NUBPL: variants seen among roughly 807,000 people sequenced by gnomAD.
The protein encoded by NUBPL is iron-sulfur cluster transfer protein NUBPL.
In NUBPL, 31 loss-of-function variants were observed where a neutral mutation model predicts 45.7. The ratio of observed to expected loss-of-function variants is 0.68; its 90% confidence interval spans 0.51 to 0.92. The LOEUF is 0.92. Ranked by LOEUF, NUBPL falls within the 40% of genes least tolerant of loss-of-function variation. NUBPL has a pLI of 0.00. For synonymous variants in NUBPL, 144 were observed against 140.9 expected (o/e 1.02, Z -0.15); for missense variants, 401 against 398.7 (o/e 1.01, Z -0.05).
chr14:31,588,609 T>A (rs1373011), intron 3 of NUBPL, among the ~76,000 whole-genome samples: 149,400 of 151,886 alleles, frequency 0.98, 73,514 homozygotes, highest in Non-Finnish European at 1. Context: ...TTTTTTTTTT[T>A]AAATCCTTAA....
chr14:31,600,644 C>T (rs566224436), intron 4 of NUBPL, among the ~76,000 whole-genome samples: 154 of 152,156 alleles, frequency 1.0e-3, no homozygotes, highest in African/African-American at 3.5e-3. Context: ...TGATAGATTC[C>T]GGATATTAGC....
chr14:31,691,412 T>C (rs1054324529), intron 6 of NUBPL, among the ~76,000 whole-genome samples: 2 of 152,198 alleles, frequency 1.3e-5, no homozygotes, highest in African/African-American at 4.8e-5. Context: ...CAGCAGGGTA[T>C]TAGTAAAGTT....
intron 6 of NUBPL, among the ~76,000 whole-genome samples, chr14:31,750,371 T>A (rs1229871235): frequency 2.0e-5 from 3 of 149,524 alleles, no homozygotes; most frequent in African/African-American, 4.9e-5. Context: ...TTTTTATTTT[T>A]TTTATTTTTT....
In NUBPL at chr14:31,841,917, C is replaced by CTTTTGTTTTTTTTTTTTTTTT; in HGVS notation, c.694-4550_694-4549insGTTTTTTTTTTTTTTTTTTTT. Among the ~76,000 whole-genome samples, 192 of 43,042 alleles carry CTTTTGTTTTTTTTTTTTTTTT rather than the reference C, an allele frequency of 4.5e-3. 30 individuals carry two copies. The highest frequency in any genetic ancestry group is 6.7e-3 in the Non-Finnish European group (158 of 23,470). The allele number at this position is 43,042 out of a possible 152,430, so 28.2% of individuals were successfully genotyped here. The stretch of plus-strand genomic sequence containing the variant: ...CTTTCATGTATGGGTCGATTCTGGG[C>CTTTTGTTTTTTTTTTTTTTTT]TTTTTTTTTTTTTTTTTTTTTTTTT... On this transcript the variant is annotated intron_variant, in intron 8 of 10. Coordinates refer to ENST00000281081, the MANE Select transcript of NUBPL (RefSeq NM_025152.3).
At chr14:31,613,591 G>A (rs902835867) in intron 4 of NUBPL, among the ~76,000 whole-genome samples, 1 of 151,936 alleles carries the variant, frequency 6.6e-6, no homozygotes, top group African/African-American at 2.4e-5. Context: ...CTAAGTAGCC[G>A]GGATTATAGG....
At chr14:31,630,679 T>G (rs114559025) in intron 4 of NUBPL, among the ~76,000 whole-genome samples, 2,183 of 152,246 alleles carry the variant, frequency 0.014, 42 homozygotes, top group African/African-American at 0.05. Flanking sequence ...CTTCCTTGGG[T>G]GGGTCCAGAG....
intron 7 of NUBPL, among the ~76,000 whole-genome samples, chr14:31,815,228 G>C (rs1384564628): frequency 6.6e-6 from 1 of 151,906 alleles, no homozygotes; most frequent in East Asian, 1.9e-4. Context: ...GCAGCGGTTT[G>C]TAGTTCTCCT....
chr14:31,808,187 G>T (rs2039727790), intron 7 of NUBPL, among the ~76,000 whole-genome samples: 1 of 152,148 alleles, frequency 6.6e-6, no homozygotes, highest in Admixed American at 6.6e-5. Context: ...GATGGGGATG[G>T]CATTGAATCT....
At chr14:31,656,981 C>T (rs974109591) in intron 4 of NUBPL, among the ~76,000 whole-genome samples, 7 of 152,154 alleles carry the variant, frequency 4.6e-5, no homozygotes, top group African/African-American at 1.7e-4. Context: ...AAAGAATTGT[C>T]TTATGTAGTA....
At chr14:31,777,919 A>C (rs1288854139) in intron 6 of NUBPL, among the ~76,000 whole-genome samples, 1 of 152,216 alleles carries the variant, frequency 6.6e-6, no homozygotes, top group Non-Finnish European at 1.5e-5. Context: ...TGAAGCAGGC[A>C]GCTCTATTAA....
chr14:31,757,613 C>G (rs1261888066), intron 6 of NUBPL, among the ~76,000 whole-genome samples: 1 of 152,024 alleles, frequency 6.6e-6, no homozygotes, highest in African/African-American at 2.4e-5. Context: ...GATATGATAT[C>G]TGAAGGGTAA....
At chr14:31,806,695 A>G (rs1165466741) in intron 7 of NUBPL, among the ~76,000 whole-genome samples, 2 of 152,156 alleles carry the variant, frequency 1.3e-5, no homozygotes, top group Admixed American at 1.3e-4. Flanking sequence ...ATGTGTATAC[A>G]TGTGCCGTGT....
At chr14:31,598,242 A>G (rs1444449833) in intron 3 of NUBPL, among the ~76,000 whole-genome samples, 1 of 152,164 alleles carries the variant, frequency 6.6e-6, no homozygotes, top group Non-Finnish European at 1.5e-5. Context: ...CTTATTTTGT[A>G]TGTTCATAGG....
At chr14:31,733,131 C>T (rs1351166262) in intron 6 of NUBPL, among the ~76,000 whole-genome samples, 3 of 151,962 alleles carry the variant, frequency 2.0e-5, no homozygotes, top group South Asian at 2.1e-4. Context: ...GATATTTTCC[C>T]CCATTTAATT....
chr14:31,562,190 T>C lies in NUBPL; in HGVS notation c.231T>C (p.Gly77=). Residue 77 remains glycine (G), a synonymous_variant, in exon 2 of 11, where the codon GGT becomes GGC. Transcript: ENST00000281081. ...KQVIVVASGK[G]GVGKSTTAVN... ...TTATAGTTGTGGCTTCTGGAAAGGG[T>C]GGAGTCGGAAAATCTACTACAGCAG... is the stretch of plus-strand genomic sequence containing the variant. 1 of 1,613,952 alleles carries C rather than the reference T, an allele frequency of 6.2e-7. No homozygotes were observed. Among genetic ancestry groups the C allele is most frequent in the Non-Finnish European group, 8.5e-7 (1 of 1,179,924 alleles).
chr14:31,851,502 A>G (rs1426730936), intron 10 of NUBPL, among the ~76,000 whole-genome samples: 1 of 152,158 alleles, frequency 6.6e-6, no homozygotes, highest in Non-Finnish European at 1.5e-5. Context: ...CAGCTATGGT[A>G]TAGGTGATTG....
chr14:31,782,134 C>T (rs1466020693), intron 6 of NUBPL, among the ~76,000 whole-genome samples: 4 of 152,128 alleles, frequency 2.6e-5, no homozygotes, highest in African/African-American at 7.2e-5. Context: ...CAGTGCCTGA[C>T]GCCTGTAATC....
intron 6 of NUBPL, among the ~76,000 whole-genome samples, chr14:31,698,333 G>A (rs1015706135): frequency 2.0e-5 from 3 of 151,314 alleles, no homozygotes; most frequent in Admixed American, 6.6e-5. Flanking sequence ...GCTGCAGAGC[G>A]ATTCTACGTC....
At chr14:31,729,977 C>CT (rs935957089) in intron 6 of NUBPL, among the ~76,000 whole-genome samples, 1 of 152,002 alleles carries the variant, frequency 6.6e-6, no homozygotes, top group African/African-American at 2.4e-5. Flanking sequence ...GTGATGTATG[C>CT]TGTAGGTTTC....
Sources: allele counts gnomAD v4.1 joint callset (sites outside exome capture counted in the v4.1 genomes callset), GRCh38; gene constraint gnomAD v4.1.1; transcripts MANE v1.5; gene names NCBI Gene and HGNC (gene_info 2026-07-23, HGNC 2026-07-21).